Variants in CELF2 observed in about 807,000 individuals in gnomAD.
CELF2 encodes the protein CUG triplet repeat RNA-binding protein 2.
In CELF2, 8 loss-of-function variants were observed where a neutral mutation model predicts 62.6. The ratio of observed to expected loss-of-function variants is 0.13; its 90% CI spans 0.07 to 0.23. The LOEUF is 0.23. Among genes scored for constraint, CELF2 ranks in the 10% least tolerant of loss-of-function variants. CELF2 has a pLI of 1.00. For synonymous variants in CELF2, 258 were observed against 250.0 expected (o/e 1.03, Z -0.30); for missense variants, 333 against 671.0 (o/e 0.50, Z 5.56).
At chr10:10,961,805 T>C (rs1409168638) in intron 2 of CELF2, among the ~76,000 whole-genome samples, 1 of 152,138 alleles carries the variant, frequency 6.6e-6, no homozygotes, top group East Asian at 1.9e-4. Flanking sequence ...CCACATTATT[T>C]AATTTTGGCT....
chr10:11,040,644 C>G (rs542693839), intron 1 of CELF2, among the ~76,000 whole-genome samples: 1 of 151,932 alleles, frequency 6.6e-6, no homozygotes, highest in Non-Finnish European at 1.5e-5. Context: ...GCTTATGTGC[C>G]CGTTACCATC....
At chr10:11,135,780 T>C (rs1485455168) in intron 1 of CELF2, among the ~76,000 whole-genome samples, 1 of 152,222 alleles carries the variant, frequency 6.6e-6, no homozygotes, top group Admixed American at 6.5e-5. Context: ...CCTGGAGTCC[T>C]AGAGGCAAAG....
chr10:11,032,234 G>A (rs1319442610), intron 1 of CELF2, among the ~76,000 whole-genome samples: 1 of 148,352 alleles, frequency 6.7e-6, no homozygotes, highest in Admixed American at 6.9e-5. Context: ...CCTGGCTTTG[G>A]TACCAGAAAA....
At chr10:11,252,724 G>A (rs1259649527) in intron 4 of CELF2, among the ~76,000 whole-genome samples, 8 of 152,166 alleles carry the variant, frequency 5.3e-5, no homozygotes, top group Admixed American at 4.6e-4. Flanking sequence ...GAAGCTCGCG[G>A]CATCGTGTTT....
intron 1 of CELF2, among the ~76,000 whole-genome samples, chr10:11,093,089 A>G (rs1046887676): frequency 1.3e-5 from 2 of 152,198 alleles, no homozygotes; most frequent in Non-Finnish European, 2.9e-5. Context: ...GGGACTTAGC[A>G]TGCTGATAGA....
At chr10:10,587,641 C>G in the CELF2 span, among the ~76,000 whole-genome samples, 1 of 152,120 alleles carries the variant, frequency 6.6e-6, no homozygotes, top group Non-Finnish European at 1.5e-5. Flanking sequence ...TTGTAGAGAT[C>G]TATCTGTCCT....
At chr10:11,102,009 A>C (rs1226941441) in intron 1 of CELF2, 1 of 152,174 alleles carries the variant, frequency 6.6e-6, no homozygotes, top group African/African-American at 2.4e-5. Flanking sequence ...TTTTTCTTTC[A>C]TATAGAAGCA....
chr10:11,057,966 A>AT (rs1047643459), intron 1 of CELF2, among the ~76,000 whole-genome samples: 14 of 150,988 alleles, frequency 9.3e-5, no homozygotes, highest in African/African-American at 2.7e-4. Flanking sequence ...CTTCCTCTTA[A>AT]TTTTTTTTTA....
intron 1 of CELF2, among the ~76,000 whole-genome samples, chr10:11,070,022 G>A (rs1224273229): frequency 2.0e-5 from 3 of 152,136 alleles, no homozygotes; most frequent in Non-Finnish European, 4.4e-5. Flanking sequence ...TAGGAAAATT[G>A]GAGTAAAAAT....
the CELF2 span, among the ~76,000 whole-genome samples, chr10:10,473,015 C>T: frequency 4.6e-5 from 7 of 152,098 alleles, no homozygotes; most frequent in East Asian, 5.8e-4. Context: ...GAAGCTTCAG[C>T]TTTGTGCTGC....
At chr10:11,131,329 CA>C (rs1404549014) in intron 1 of CELF2, among the ~76,000 whole-genome samples, 1 of 152,188 alleles carries the variant, frequency 6.6e-6, no homozygotes, top group Non-Finnish European at 1.5e-5. Flanking sequence ...TCACTGTGGA[CA>C]CTGTGTACTC....
the CELF2 span, among the ~76,000 whole-genome samples, chr10:10,677,062 C>T: frequency 6.6e-6 from 1 of 152,160 alleles, no homozygotes; most frequent in East Asian, 1.9e-4. Context: ...CCCAGCTGCT[C>T]ATGGTTTTAC....
chr10:10,816,611 CT>C (rs1314382829), intron 1 of CELF2, among the ~76,000 whole-genome samples: 4 of 152,214 alleles, frequency 2.6e-5, no homozygotes, highest in Non-Finnish European at 5.9e-5. Context: ...AGACATGCTT[CT>C]GTGCAGATAT....
chr10:10,826,063 A>C (rs2057364675), intron 1 of CELF2, among the ~76,000 whole-genome samples: 1 of 152,248 alleles, frequency 6.6e-6, no homozygotes, highest in Non-Finnish European at 1.5e-5. Context: ...GTAGAGCCAA[A>C]CAAATGCCAG....
At chr10:10,792,210 TAATC>T in the CELF2 span, among the ~76,000 whole-genome samples, 4 of 152,320 alleles carry the variant, frequency 2.6e-5, no homozygotes, top group South Asian at 6.2e-4. Context: ...AATCAATCAA[TAATC>T]AATCAATATT....
chr10:10,498,112 G>A, the CELF2 span, among the ~76,000 whole-genome samples: 17 of 152,262 alleles, frequency 1.1e-4, no homozygotes, highest in African/African-American at 4.1e-4. Flanking sequence ...AGAGAAAGAA[G>A]AGTCAAGGAC....
chr10:10,523,577 A>C, the CELF2 span, among the ~76,000 whole-genome samples: 1 of 152,184 alleles, frequency 6.6e-6, no homozygotes, highest in Admixed American at 6.5e-5. Context: ...CTGAGGCTGA[A>C]ATTTCTGAGA....
the CELF2 span, among the ~76,000 whole-genome samples, chr10:10,600,595 G>A: frequency 6.6e-6 from 1 of 152,168 alleles, no homozygotes; most frequent in Non-Finnish European, 1.5e-5. Flanking sequence ...TTCAGATGAT[G>A]GATATGGGAA....
At chr10:10,895,236 A>G (rs565796266) in intron 1 of CELF2, among the ~76,000 whole-genome samples, 12 of 152,170 alleles carry the variant, frequency 7.9e-5, no homozygotes, top group Non-Finnish European at 1.6e-4. Flanking sequence ...TATTTTCCCA[A>G]GTAAGAAATA....
Sources: allele counts gnomAD v4.1 joint callset (sites outside exome capture counted in the v4.1 genomes callset), GRCh38; gene constraint gnomAD v4.1.1; transcripts MANE v1.5; gene names NCBI Gene and HGNC (gene_info 2026-07-23, HGNC 2026-07-21).